The following SYT9 variants were observed in gnomAD, a reference collection of about 807,000 sequenced individuals.
The protein encoded by SYT9 is synaptotagmin-9.
Under a neutral mutation model 48.4 loss-of-function variants are expected in SYT9, and 22 were observed. That is an observed-to-expected ratio of 0.45 (90% CI 0.32 to 0.65). The LOEUF is 0.65. Among genes scored for constraint, SYT9 ranks in the 30% least tolerant of loss-of-function variants. The pLI is 0.03. For synonymous variants in SYT9, 265 were observed against 245.0 expected, an observed-to-expected ratio of 1.08 and a Z score of -0.76; for missense variants, 577 against 622.0, an observed-to-expected ratio of 0.93 and a Z score of 0.77.
chr11:7,466,887 A>G lies in SYT9; in HGVS notation c.*87A>G. On this transcript the variant is annotated 3_prime_UTR_variant, in exon 7 of 7. Transcript: ENST00000318881. Reference sequence around the variant, plus strand: ...TAAGTAACTTTTTCCATCCAGCAACATCCAGACGATTTCAGTGACCAAATG... The same window carrying G: ...TAAGTAACTTTTTCCATCCAGCAACGTCCAGACGATTTCAGTGACCAAATG... 6.6e-7 allele frequency: 1 copy of G among 1,509,122 alleles called. No homozygotes were observed. Among genetic ancestry groups the G allele is most frequent in the South Asian group, 1.2e-5 (1 of 84,434 alleles). The allele number at this position is 1,509,122 out of a possible 1,614,324, so 93.5% of individuals were successfully genotyped here.
At chr11:7,269,363 G>T (rs1039626998) in intron 1 of SYT9, among the ~76,000 whole-genome samples, 2 of 152,054 alleles carry the variant, frequency 1.3e-5, no homozygotes, top group African/African-American at 4.8e-5. Context: ...GAAATTATGT[G>T]ATAATCATTT....
chr11:7,438,993 A>T (rs1847770991), intron 6 of SYT9: 1 of 152,252 alleles, frequency 6.6e-6, no homozygotes, highest in African/African-American at 2.4e-5. Flanking sequence ...AAAGCTCTAA[A>T]GGACCCAAAG....
At chr11:7,248,219 A>G (rs1236744755), upstream of SYT9, among the ~76,000 whole-genome samples, 1 of 149,850 alleles carries the variant, frequency 6.7e-6, no homozygotes, top group African/African-American at 2.4e-5. Context: ...TAGATTCTGG[A>G]TATTAGTCCT....
intron 1 of SYT9, among the ~76,000 whole-genome samples, chr11:7,256,127 A>G (rs1477199324): frequency 1.3e-5 from 2 of 152,222 alleles, no homozygotes; most frequent in Non-Finnish European, 2.9e-5. Flanking sequence ...TTTCCAAGGA[A>G]CAGAAAGGAG....
Position 7,373,099 on chromosome 11 carries a change from G to A in SYT9, c.1045-42943G>A, listed in dbSNP as rs550265806. On this transcript the variant is annotated intron_variant, in intron 3 of 6. Transcript: ENST00000318881. ...CTGGGATAAATCCTACTTGGCCGAC[G>A]TGTATTCTTAATACTGATAGATTTT... 8.5e-5 allele frequency among the ~76,000 whole-genome samples: 13 copies of A among 152,058 alleles called. 1 individual carries two copies. Among genetic ancestry groups the A allele is most frequent in the African/African-American group, 2.9e-4 (12 of 41,506 alleles).
At chr11:7,452,615 T>A (rs1434865804) in intron 6 of SYT9, among the ~76,000 whole-genome samples, 2 of 152,176 alleles carry the variant, frequency 1.3e-5, no homozygotes, top group African/African-American at 2.4e-5. Flanking sequence ...CTTTTGTTTT[T>A]ATTTTTGCCT....
chr11:7,253,651 A>G (rs1004940283), intron 1 of SYT9, among the ~76,000 whole-genome samples: 10 of 152,190 alleles, frequency 6.6e-5, no homozygotes, highest in Admixed American at 4.6e-4. Context: ...AGTTTATTGA[A>G]TGATCATTGA....
chr11:7,412,639 A>G (rs753970397), intron 3 of SYT9, among the ~76,000 whole-genome samples: 2 of 152,158 alleles, frequency 1.3e-5, no homozygotes, highest in African/African-American at 4.8e-5. Context: ...AAGTGGGCCA[A>G]TTACTGGGCT....
At chr11:7,352,793 C>T (rs973029661) in intron 3 of SYT9, among the ~76,000 whole-genome samples, 11 of 152,248 alleles carry the variant, frequency 7.2e-5, no homozygotes, top group African/African-American at 1.9e-4. Flanking sequence ...GCTAGGAAGA[C>T]GAGAAAGGCA....
At chr11:7,240,883 G>A (rs1847733151) in intron 1 of SYT9, among the ~76,000 whole-genome samples, 1 of 151,988 alleles carries the variant, frequency 6.6e-6, no homozygotes, top group Non-Finnish European at 1.5e-5. Flanking sequence ...TAAACTTGAT[G>A]GGTTTTCCTT....
At chr11:7,455,592 G>A (rs1286194535) in intron 6 of SYT9, among the ~76,000 whole-genome samples, 1 of 151,554 alleles carries the variant, frequency 6.6e-6, no homozygotes, top group African/African-American at 2.4e-5. Flanking sequence ...CACCCACCTC[G>A]GCCTCCCAAA....
intron 1 of SYT9, among the ~76,000 whole-genome samples, chr11:7,281,566 C>T (rs1428890494): frequency 6.6e-6 from 1 of 152,192 alleles, no homozygotes; most frequent in Non-Finnish European, 1.5e-5. Flanking sequence ...TCGATGGCAG[C>T]CTAGCTGTGG....
At chr11:7,348,380 G>A (rs751179544) in intron 3 of SYT9, among the ~76,000 whole-genome samples, 13 of 152,164 alleles carry the variant, frequency 8.5e-5, no homozygotes, top group African/African-American at 2.4e-4. Context: ...CTAATCCATC[G>A]TTCATTTCCA....
intron 3 of SYT9, among the ~76,000 whole-genome samples, chr11:7,364,633 C>A (rs537352420): frequency 4.9e-4 from 75 of 152,310 alleles, no homozygotes; most frequent in African/African-American, 1.8e-3. Flanking sequence ...GACAAATTAT[C>A]TCCTCCAGTT....
intron 2 of SYT9, among the ~76,000 whole-genome samples, chr11:7,306,742 T>C (rs957978719): frequency 2.0e-5 from 3 of 152,118 alleles, no homozygotes; most frequent in African/African-American, 7.2e-5. Context: ...CTGTGTTCTG[T>C]CCCCCACTCC....
intron 1 of SYT9, among the ~76,000 whole-genome samples, chr11:7,275,711 A>G (rs1024259116): frequency 6.6e-6 from 1 of 152,138 alleles, no homozygotes; most frequent in Non-Finnish European, 1.5e-5. Context: ...CTCCATTTGC[A>G]TAGATGAAGG....
At chr11:7,285,796 A>T (rs1324199261) in intron 1 of SYT9, among the ~76,000 whole-genome samples, 1 of 152,204 alleles carries the variant, frequency 6.6e-6, no homozygotes, top group Non-Finnish European at 1.5e-5. Flanking sequence ...TGGCCAAAAC[A>T]AAGGGGCTAC....
chr11:7,258,728 C>A (rs1473592605), intron 1 of SYT9, among the ~76,000 whole-genome samples: 1 of 151,898 alleles, frequency 6.6e-6, no homozygotes, highest in Non-Finnish European at 1.5e-5. Flanking sequence ...AACATTGTGC[C>A]CAGAGTAAAT....
chr11:7,283,147 G>A (rs200386964), intron 1 of SYT9, among the ~76,000 whole-genome samples: 30 of 139,904 alleles, frequency 2.1e-4, no homozygotes, highest in South Asian at 6.9e-4. Flanking sequence ...GTATGTGTGT[G>A]TATATATATA....
Sources: gnomAD v4.1 joint callset for allele counts (sites outside exome capture counted in the v4.1 genomes callset) on GRCh38, gnomAD v4.1.1 for gene constraint, MANE v1.5 for transcripts, NCBI Gene and HGNC (gene_info 2026-07-23, HGNC 2026-07-21) for gene names.